RNF13: variants seen among roughly 807,000 people sequenced by gnomAD.
RNF13 encodes the protein ring finger protein 13, also known as E3 ubiquitin-protein ligase RNF13.
Under a neutral mutation model 37.7 loss-of-function variants are expected in RNF13, and 19 were observed. The observed-to-expected ratio is 0.50, with a 90% CI of 0.35 to 0.74. The LOEUF (loss-of-function observed/expected upper bound fraction) is 0.74, where lower values mean the gene tolerates loss of function less well. Among genes scored for constraint, RNF13 ranks in the 30% least tolerant of loss-of-function variants. The probability of loss-of-function intolerance (pLI) is 0.01; values close to 1 mark genes in which losing one functional copy is unlikely to be tolerated. For synonymous variants in RNF13, 144 were observed against 157.8 expected (o/e 0.91, Z 0.65); for missense variants, 375 against 453.0 (o/e 0.83, Z 1.56).
intron 4 of RNF13, among the ~76,000 whole-genome samples, chr3:149,873,347 A>G (rs1324866019): frequency 6.6e-6 from 1 of 152,170 alleles, no homozygotes; most frequent in Admixed American, 6.5e-5. Context: ...GTACACTTTG[A>G]AAATTAGGGA....
At chr3:149,883,250 CT>C (rs984938221) in intron 4 of RNF13, among the ~76,000 whole-genome samples, 2 of 147,388 alleles carry the variant, frequency 1.4e-5, no homozygotes, top group Non-Finnish European at 3.1e-5. Context: ...GCTCTTGATT[CT>C]TTTTTTCCTA....
At chr3:149,906,160 C>T (rs1390717788) in intron 6 of RNF13, among the ~76,000 whole-genome samples, 2 of 152,024 alleles carry the variant, frequency 1.3e-5, no homozygotes, top group African/African-American at 4.8e-5. Context: ...TGTATTGGTA[C>T]TTTATTCTTT....
At chr3:149,878,637 C>G (rs148694906) in intron 4 of RNF13, among the ~76,000 whole-genome samples, 1,753 of 152,306 alleles carry the variant, frequency 0.012, 42 homozygotes, top group African/African-American at 0.039. Context: ...CCATTCTCAT[C>G]TGCATTGTTT....
At chr3:149,920,997 A>G (rs911075085) in intron 7 of RNF13, 137 bp from the exon 8 acceptor site, 1 of 343,448 alleles carries the variant, frequency 2.9e-6, no homozygotes. Flanking sequence ...TAACAATACT[A>G]TTGCAATTAG....
chr3:149,961,384 T>G lies in RNF13; in HGVS notation c.*280T>G. ...CATAAAAAAAAAAAAATCCTCAGTA[T>G]AGCTTGCAATTAAGACCTAGATCAC... On this transcript the variant is annotated 3_prime_UTR_variant, in exon 10 of 10. Coordinates refer to ENST00000392894, the MANE Select transcript of RNF13 (RefSeq NM_183381.3). 1.8e-6 allele frequency: 1 copy of G among 559,916 alleles called. No individual in the cohort carries two copies. Among genetic ancestry groups the G allele is most frequent in the African/African-American group, 1.9e-5 (1 of 53,598 alleles). 34.7% of individuals were successfully genotyped at this position (559,916 alleles called of 1,614,324 possible).
intron 1 of RNF13, among the ~76,000 whole-genome samples, chr3:149,821,913 C>T (rs1720029834): frequency 6.6e-6 from 1 of 152,056 alleles, no homozygotes; most frequent in Admixed American, 6.5e-5. Context: ...GTTCTTTTGC[C>T]ATTGAATGGT....
At chr3:149,817,464 A>G (rs892612390) in intron 1 of RNF13, 1 of 152,190 alleles carries the variant, frequency 6.6e-6, no homozygotes, top group East Asian at 1.9e-4. Flanking sequence ...ATTTATAAAC[A>G]TATGTTGAAT....
intron 5 of RNF13, among the ~76,000 whole-genome samples, chr3:149,898,513 T>C (rs1715495928): frequency 6.6e-6 from 1 of 152,146 alleles, no homozygotes; most frequent in African/African-American, 2.4e-5. Flanking sequence ...TACCACCTAG[T>C]AGCTGTATGA....
chr3:149,877,060 G>A (rs970785152), intron 4 of RNF13, among the ~76,000 whole-genome samples: 2 of 151,984 alleles, frequency 1.3e-5, no homozygotes, highest in African/African-American at 2.4e-5. Flanking sequence ...GATTACAGGC[G>A]TGAGCCACCA....
intron 8 of RNF13, among the ~76,000 whole-genome samples, chr3:149,934,251 CTTTTT>C: frequency 6.6e-6 from 1 of 151,960 alleles, no homozygotes; most frequent in East Asian, 1.9e-4. Context: ...AGTGTTTTCT[CTTTTT>C]TTGTTAGTCT....
At chr3:149,934,912 C>G (rs1230837798) in intron 8 of RNF13, among the ~76,000 whole-genome samples, 3 of 152,190 alleles carry the variant, frequency 2.0e-5, no homozygotes, top group African/African-American at 4.8e-5. Context: ...GCCACCACAC[C>G]TGGCCCAAAG....
intron 3 of RNF13, among the ~76,000 whole-genome samples, chr3:149,863,435 A>G (rs1724483983): frequency 6.6e-6 from 1 of 152,006 alleles, no homozygotes; most frequent in African/African-American, 2.4e-5. Context: ...GCTGGAGTGC[A>G]ATGGTGCAAT....
intron 2 of RNF13, among the ~76,000 whole-genome samples, chr3:149,850,356 C>T (rs73155074): frequency 0.016 from 2,494 of 152,264 alleles, 27 homozygotes; most frequent in Non-Finnish European, 0.025. Flanking sequence ...ATACCAAAAA[C>T]GTAAAGTACC....
intron 1 of RNF13, among the ~76,000 whole-genome samples, chr3:149,828,220 A>G (rs1376421766): frequency 6.6e-6 from 1 of 152,222 alleles, no homozygotes; most frequent in Non-Finnish European, 1.5e-5. Context: ...AAATGGAATG[A>G]CAGTGCAAGT....
intron 2 of RNF13, among the ~76,000 whole-genome samples, chr3:149,848,896 T>C (rs1370367115): frequency 1.3e-5 from 2 of 152,154 alleles, no homozygotes; most frequent in Non-Finnish European, 2.9e-5. Flanking sequence ...CTCTAGGCCA[T>C]GAGTACTTGG....
intron 6 of RNF13, among the ~76,000 whole-genome samples, chr3:149,911,621 T>TGTACTCCAA: frequency 6.6e-6 from 1 of 151,694 alleles, no homozygotes; most frequent in East Asian, 1.9e-4. Context: ...ATTGCACCAC[T>TGTACTCCAA]GTACTCCAGC....
intron 5 of RNF13, among the ~76,000 whole-genome samples, chr3:149,897,843 A>C (rs951136224): frequency 2.6e-5 from 4 of 152,188 alleles, no homozygotes; most frequent in African/African-American, 9.6e-5. Flanking sequence ...AACAAAAGGA[A>C]GTTGTAAAAG....
At chr3:149,880,925 G>T (rs556804630) in intron 4 of RNF13, among the ~76,000 whole-genome samples, 180 of 152,260 alleles carry the variant, frequency 1.2e-3, no homozygotes, top group African/African-American at 4.2e-3. Flanking sequence ...CCCACAGTAA[G>T]AAGTTTATTT....
At chr3:149,857,030 A>T (rs1723729670) in intron 3 of RNF13, among the ~76,000 whole-genome samples, 1 of 152,222 alleles carries the variant, frequency 6.6e-6, no homozygotes, top group Admixed American at 6.5e-5. Flanking sequence ...TACAGGCGTG[A>T]GCCACCATGC....
Sources: allele counts gnomAD v4.1 joint callset (sites outside exome capture counted in the v4.1 genomes callset), GRCh38; gene constraint gnomAD v4.1.1; transcripts MANE v1.5; gene names NCBI Gene and HGNC (gene_info 2026-07-23, HGNC 2026-07-21).